KLHL32: variants seen among roughly 807,000 people sequenced by gnomAD.
The protein encoded by KLHL32 is kelch like family member 32.
A neutral mutation model predicts 64.8 loss-of-function variants in KLHL32; 35 were observed. The ratio of observed to expected loss-of-function variants is 0.54; its 90% CI spans 0.41 to 0.72. The LOEUF (loss-of-function observed/expected upper bound fraction) is 0.72. Among genes scored for constraint, KLHL32 ranks in the 30% least tolerant of loss-of-function variants. The pLI, the probability that KLHL32 is intolerant of heterozygous loss-of-function variation, is 0.00. For synonymous variants in KLHL32, 259 were observed against 281.0 expected (o/e 0.92, Z 0.78); for missense variants, 589 against 768.5 (o/e 0.77, Z 2.76).
intron 5 of KLHL32, among the ~76,000 whole-genome samples, chr6:97,077,451 C>G (rs1390750217): frequency 2.0e-5 from 3 of 151,842 alleles, no homozygotes; most frequent in Admixed American, 2.0e-4. Flanking sequence ...CACTAAAAAC[C>G]AAGAGAAGTA....
intron 1 of KLHL32, among the ~76,000 whole-genome samples, chr6:96,947,610 G>T (rs577802137): frequency 6.6e-6 from 1 of 152,104 alleles, no homozygotes; most frequent in Non-Finnish European, 1.5e-5. Context: ...TACAGAGATG[G>T]TAATTTGGGA....
chr6:97,112,065 A>G (rs1195871014), intron 6 of KLHL32, among the ~76,000 whole-genome samples: 2 of 152,034 alleles, frequency 1.3e-5, no homozygotes, highest in Admixed American at 1.3e-4. Flanking sequence ...TGGTTTTGGA[A>G]AAGTCAACAT....
Position 97,002,282 on chromosome 6 carries a change from A to G in KLHL32, c.204+26105A>G, listed in dbSNP as rs531904089. 1.1e-3 allele frequency among the ~76,000 whole-genome samples: 172 copies of G among 152,312 alleles called. 1 individual carries two copies. The highest frequency in any genetic ancestry group is 2.1e-3 in the Non-Finnish European group (146 of 68,032). The stretch of plus-strand genomic sequence containing the variant: ...AACCAGTTGGATGAAGCCCACTCAC[A>G]TTAGAGAAAGCAATTTGCTTTACTC... On this transcript the variant is annotated intron_variant, in intron 3 of 10. Transcript: ENST00000369261.
At chr6:96,901,162 T>G in the KLHL32 span, among the ~76,000 whole-genome samples, 102 of 152,306 alleles carry the variant, frequency 6.7e-4, no homozygotes, top group Non-Finnish European at 1.1e-3. Flanking sequence ...TCATGACTTT[T>G]GTCATTGTAT....
chr6:96,932,129 A>T (rs1769961958), intron 1 of KLHL32, among the ~76,000 whole-genome samples: 1 of 150,980 alleles, frequency 6.6e-6, no homozygotes. Context: ...ATGTAATCAG[A>T]TGCCCCTTTG....
At chr6:96,929,696 C>T (rs1359931) in intron 1 of KLHL32, among the ~76,000 whole-genome samples, 38,197 of 151,980 alleles carry the variant, frequency 0.25, 5,072 homozygotes, top group Non-Finnish European at 0.29. Flanking sequence ...TTCCCTATTT[C>T]GTATACACAT....
the KLHL32 span, among the ~76,000 whole-genome samples, chr6:96,908,525 A>G: frequency 1.3e-5 from 2 of 152,166 alleles, no homozygotes; most frequent in East Asian, 1.9e-4. Context: ...ATCATCCTAC[A>G]CTTCTGGATA....
At chr6:97,028,015 T>A (rs1261827465) in intron 3 of KLHL32, among the ~76,000 whole-genome samples, 1 of 152,216 alleles carries the variant, frequency 6.6e-6, no homozygotes, top group East Asian at 1.9e-4. Flanking sequence ...TTACTAATAT[T>A]TCTCCAGCAA....
At chr6:97,087,451 T>G (rs552328108) in intron 6 of KLHL32, among the ~76,000 whole-genome samples, 1 of 152,312 alleles carries the variant, frequency 6.6e-6, no homozygotes, top group South Asian at 2.1e-4. Flanking sequence ...TGGAGACAGA[T>G]CTACAGAATC....
intron 3 of KLHL32, among the ~76,000 whole-genome samples, chr6:97,040,912 C>T (rs1020780087): frequency 5.3e-5 from 8 of 152,210 alleles, no homozygotes; most frequent in South Asian, 4.1e-4. Context: ...CCTTCACCTT[C>T]GCCTTCGCCT....
chr6:97,136,095 A>C (rs1302979742), intron 10 of KLHL32, among the ~76,000 whole-genome samples: 3 of 152,244 alleles, frequency 2.0e-5, no homozygotes, highest in African/African-American at 7.2e-5. Context: ...ATTTGATCCA[A>C]GATTAATCCA....
chr6:97,037,226 A>C (rs1474134230), intron 3 of KLHL32, among the ~76,000 whole-genome samples: 1 of 152,090 alleles, frequency 6.6e-6, no homozygotes, highest in Non-Finnish European at 1.5e-5. Context: ...TCTAACAGTG[A>C]AAGGTTTAAC....
At position 97,130,777 on chromosome 6, in the gene KLHL32, C is replaced by T. The variant is rs766704119; in HGVS notation, c.1434C>T (p.Ser478=). 1.2e-6 allele frequency: 2 copies of T among 1,613,346 alleles called. No individual in the cohort carries two copies. Among genetic ancestry groups the T allele is most frequent in the East Asian group, 2.2e-5 (1 of 44,874 alleles). Residue 478 remains serine (S), a synonymous_variant, in exon 9 of 11, where the codon AGC becomes AGT. Transcript: ENST00000369261. ...EPNQNKWISR[S]PMLQRRVYHS... Reference sequence around the variant, plus strand: ...TTCAGAATAAGTGGATAAGCCGTAGCCCCATGCTGCAGAGAAGGGTCTACC... The same window carrying T: ...TTCAGAATAAGTGGATAAGCCGTAGTCCCATGCTGCAGAGAAGGGTCTACC...
chr6:97,111,069 G>A (rs1327745197), intron 6 of KLHL32, among the ~76,000 whole-genome samples: 2 of 151,994 alleles, frequency 1.3e-5, no homozygotes, highest in Non-Finnish European at 2.9e-5. Context: ...GTTACATCTG[G>A]GACTGGGTCC....
intron 4 of KLHL32, chr6:97,062,463 A>G (rs1220689249): frequency 2.6e-5 from 4 of 152,208 alleles, no homozygotes; most frequent in Non-Finnish European, 5.9e-5. Context: ...TTCTGACTAG[A>G]TGGAAAAGGA....
At chr6:96,977,013 C>G (rs1478482714) in intron 3 of KLHL32, among the ~76,000 whole-genome samples, 1 of 152,122 alleles carries the variant, frequency 6.6e-6, no homozygotes, top group Non-Finnish European at 1.5e-5. Context: ...TCTTGTTTAC[C>G]AGAGCTTTGG....
chr6:97,068,428 A>G (rs904964060), intron 5 of KLHL32, among the ~76,000 whole-genome samples: 2 of 152,232 alleles, frequency 1.3e-5, no homozygotes, highest in Admixed American at 6.5e-5. Flanking sequence ...GTGTGAATCC[A>G]CCAGAATTCA....
intron 6 of KLHL32, among the ~76,000 whole-genome samples, chr6:97,103,741 C>T (rs1156847939): frequency 6.6e-6 from 1 of 151,008 alleles, no homozygotes; most frequent in African/African-American, 2.4e-5. Context: ...TTCACGCAGA[C>T]ATTTCTGCTG....
chr6:97,130,846 C>T lies in KLHL32; in HGVS notation c.1503C>T (p.Gly501=). 1.9e-6 allele frequency: 3 copies of T among 1,614,082 alleles called. No homozygotes were observed. Among genetic ancestry groups the T allele is most frequent in the Non-Finnish European group, 2.5e-6 (3 of 1,179,962 alleles). The part of the protein sequence containing the change: ...AVQRKLYVLG[G]NDLDYNNDRI... ...AAAGGAAGCTTTATGTTCTTGGAGG[C>T]AATGACCTAGACTACAATAATGACC... is the stretch of plus-strand genomic sequence containing the variant. Residue 501 remains glycine, a synonymous_variant, in exon 9 of 11, where the codon GGC becomes GGT. Transcript: ENST00000369261.
Sources: allele counts gnomAD v4.1 joint callset (sites outside exome capture counted in the v4.1 genomes callset), GRCh38; gene constraint gnomAD v4.1.1; transcripts MANE v1.5; gene names NCBI Gene and HGNC (gene_info 2026-07-23, HGNC 2026-07-21).